Variants in NEK3 observed in about 807,000 individuals in gnomAD.
NEK3 encodes the protein serine/threonine-protein kinase Nek3.
In NEK3, 54 loss-of-function variants were observed where a neutral mutation model predicts 66.0. That is an observed-to-expected ratio of 0.82 (90% CI 0.66 to 1.03). The LOEUF (loss-of-function observed/expected upper bound fraction) is 1.03, where lower values mean the gene tolerates loss of function less well. Among genes scored for constraint, NEK3 ranks in the 50% least tolerant of loss-of-function variants. The pLI, the probability that NEK3 is intolerant of heterozygous loss-of-function variation, is 0.00. For missense variants in NEK3, 593 were observed against 603.0 expected (o/e 0.98, Z 0.17); for synonymous variants, 200 against 206.2 (o/e 0.97, Z 0.26).
At chr13:52,144,083 T>C (rs748058132) in intron 9 of NEK3, 96 bp from the exon 10 acceptor site, 13 of 718,658 alleles carry the variant, frequency 1.8e-5, no homozygotes, top group Non-Finnish European at 2.7e-5. Context: ...TTTAGCACAA[T>C]AATATTTCAA....
At position 52,132,879 on chromosome 13, in the gene NEK3, C is replaced by A. The variant is rs139640626; in HGVS notation, c.*263G>T. 190 of 374,622 alleles carry A rather than the reference C, an allele frequency of 5.1e-4. No homozygotes were observed. Among genetic ancestry groups the A allele is most frequent in the African/African-American group, 3.0e-3 (151 of 49,688 alleles). The allele number at this position is 374,622 out of a possible 1,614,324, so 23.2% of individuals were successfully genotyped here. A position where few individuals can be genotyped will look rare whatever the true frequency, so the allele number is the denominator to read the frequency against. The stretch of plus-strand genomic sequence containing the variant: ...CAAGTAGGTAGTGGCACGCTAGCAT[C>A]CCATTTCTGTTCTATGGGACTGCAA... On this transcript the variant is annotated 3_prime_UTR_variant, in exon 16 of 16. Transcript: ENST00000610828.
rs780225010 is a variant in NEK3, at chr13:52,156,028, A to C, written c.117+47T>G. On this transcript the variant is annotated intron_variant, in intron 2 of 15. Transcript: ENST00000610828. The stretch of plus-strand genomic sequence containing the variant: ...TGGCCAAAAACTTATTCTTTTATAT[A>C]AACTGCATGTATACTTTCAAAGTGA... 3.2e-6 allele frequency: 4 copies of C among 1,262,402 alleles called. No homozygotes were observed. In the South Asian group the frequency reaches 5.4e-5, roughly 17 times the overall value. 78.2% of individuals were successfully genotyped at this position (1,262,402 alleles called of 1,614,324 possible).
chr13:52,146,853 AGT>A (rs1327156855), intron 8 of NEK3, among the ~76,000 whole-genome samples: 1 of 152,224 alleles, frequency 6.6e-6, no homozygotes, highest in African/African-American at 2.4e-5. Context: ...TTCATCTGGT[AGT>A]GGTGAAGATT....
intron 10 of NEK3, among the ~76,000 whole-genome samples, chr13:52,142,467 G>A (rs747902143): frequency 6.6e-5 from 10 of 152,008 alleles, no homozygotes; most frequent in East Asian, 3.9e-4. Context: ...TAGTAGAGAC[G>A]GGGTTTCACC....
intron 15 of NEK3, 33 bp from the exon 16 acceptor site, chr13:52,133,259 A>G: frequency 1.3e-6 from 2 of 1,489,788 alleles, no homozygotes; most frequent in South Asian, 2.4e-5. Context: ...ATAAACCTCT[A>G]CATTAGGGGC....
rs778513250 is a variant in NEK3, at chr13:52,151,352, T to C, written c.434A>G (p.Asp145Gly). Residue 145 changes from aspartate to glycine, a missense_variant, in exon 6 of 16, where the codon GAC (aspartate) becomes GGC (glycine). Physicochemically the swap from Asp to Gly is moderately conservative, Grantham distance 94 (BLOSUM62 -1). Coordinates refer to ENST00000610828, the MANE Select transcript of NEK3 (RefSeq NM_002498.3). ...GGAGAGAAGACGGGCAGATCCAAAGTCTCCCAATTTCACTTTTCCATTCTG... is the reference window on the plus strand; with the variant it reads ...GGAGAGAAGACGGGCAGATCCAAAGCCTCCCAATTTCACTTTTCCATTCTG... ...LTQNGKVKLG[D>G]FGSARLLSNP... is the part of the protein sequence containing the mutation. The C allele has an allele frequency of 6.3e-7, 1 of 1,597,160 alleles. No individual in the cohort carries two copies. The highest frequency in any genetic ancestry group is 8.5e-7 in the Non-Finnish European group (1 of 1,171,408).
intron 15 of NEK3, 98 bp downstream of exon 15, chr13:52,133,591 G>A (rs911014494): frequency 2.7e-5 from 39 of 1,426,796 alleles, no homozygotes; most frequent in Non-Finnish European, 3.5e-5. Flanking sequence ...TACTAAATCT[G>A]AAATTATCAT....
intron 11 of NEK3, among the ~76,000 whole-genome samples, chr13:52,137,718 T>C (rs1258482933): frequency 6.6e-6 from 1 of 152,180 alleles, no homozygotes; most frequent in African/African-American, 2.4e-5. Context: ...CCCAGGGGAT[T>C]CCAGTCTTTC....
At chr13:52,155,215 G>C (rs1956384893) in intron 2 of NEK3, among the ~76,000 whole-genome samples, 1 of 151,976 alleles carries the variant, frequency 6.6e-6, no homozygotes, top group Non-Finnish European at 1.5e-5. Context: ...AAAATACCTA[G>C]CACTCTGAGA....
chr13:52,149,831 T>C (rs1956326992), intron 7 of NEK3, among the ~76,000 whole-genome samples: 1 of 151,032 alleles, frequency 6.6e-6, no homozygotes, highest in African/African-American at 2.4e-5. Context: ...ATTGTGCCAT[T>C]GCACTCAAGC....
In NEK3 at chr13:52,132,960, C is replaced by G. The variant is rs187671060; in HGVS notation, c.*182G>C. On this transcript the variant is annotated 3_prime_UTR_variant, in exon 16 of 16. Coordinates refer to ENST00000610828, the MANE Select transcript of NEK3 (RefSeq NM_002498.3). The stretch of plus-strand genomic sequence containing the variant: ...CTTCTCCCTTGAGTTCAAAAACTTA[C>G]AGGAGTTCTAGACTTTTCAAACTCA... 4.9e-4 allele frequency: 286 copies of G among 578,930 alleles called. 1 individual carries two copies. The highest frequency in any genetic ancestry group is 1.3e-3 in the Admixed American group (45 of 33,524). 35.9% of individuals were successfully genotyped at this position (578,930 alleles called of 1,614,324 possible).
chr13:52,157,731 C>G (rs139374663), intron 1 of NEK3, among the ~76,000 whole-genome samples: 1 of 152,176 alleles, frequency 6.6e-6, no homozygotes, highest in Non-Finnish European at 1.5e-5. Context: ...ATGGATAAAA[C>G]GTTCCTAACA....
At chr13:52,156,820 T>C (rs1387662797) in intron 1 of NEK3, 1 of 152,302 alleles carries the variant, frequency 6.6e-6, no homozygotes, top group Non-Finnish European at 1.5e-5. Flanking sequence ...GCCCAGCTAC[T>C]GAACCTAAGA....
intron 1 of NEK3, 197 bp from the exon 2 acceptor site, chr13:52,156,445 C>A: frequency 3.2e-6 from 1 of 308,518 alleles, no homozygotes; most frequent in Non-Finnish European, 6.1e-6. Flanking sequence ...CTTTGCCCTC[C>A]CTTTTTTGTA....
At chr13:52,138,511 A>ATT (rs1956223055) in intron 11 of NEK3, among the ~76,000 whole-genome samples, 1 of 152,230 alleles carries the variant, frequency 6.6e-6, no homozygotes, top group Non-Finnish European at 1.5e-5. Context: ...TTGTAGCAAC[A>ATT]TAATGGTGGG....
At chr13:52,158,931 T>C (rs866698910) in intron 1 of NEK3, among the ~76,000 whole-genome samples, 1 of 152,176 alleles carries the variant, frequency 6.6e-6, no homozygotes, top group Non-Finnish European at 1.5e-5. Flanking sequence ...CTAGGATAAC[T>C]GGGAGAGGGA....
At chr13:52,144,601 G>A (rs1956277973) in intron 9 of NEK3, 90 bp downstream of exon 9, 6 of 1,017,114 alleles carry the variant, frequency 5.9e-6, no homozygotes, top group South Asian at 3.1e-5. Context: ...GGATTTTGAT[G>A]AGCACATGTA....
chr13:52,142,568 G>A lies in NEK3; in HGVS notation c.877+1347C>T, dbSNP rs1279059410. 3.7e-4 allele frequency among the ~76,000 whole-genome samples: 56 copies of A among 152,158 alleles called. 2 individuals carry two copies. The highest frequency in any genetic ancestry group is 6.5e-5 in the Admixed American group (1 of 15,282). ...TGGGATTACAGGCGTAAGCCACTGC[G>A]CCCAGCCGCTATCTCTTAACTAATG... On this transcript the variant is annotated intron_variant, in intron 10 of 15. Coordinates refer to ENST00000610828, the MANE Select transcript of NEK3 (RefSeq NM_002498.3).
At chr13:52,149,754 A>C (rs2138206240) in intron 7 of NEK3, among the ~76,000 whole-genome samples, 1 of 152,158 alleles carries the variant, frequency 6.6e-6, no homozygotes, top group African/African-American at 2.4e-5. Flanking sequence ...CTGTAGTCCC[A>C]GCTACTCAGG....
Sources: gnomAD v4.1 joint callset for allele counts (sites outside exome capture counted in the v4.1 genomes callset) on GRCh38, gnomAD v4.1.1 for gene constraint, MANE v1.5 for transcripts, NCBI Gene and HGNC (gene_info 2026-07-23, HGNC 2026-07-21) for gene names.